ATF6: variants seen among roughly 807,000 people sequenced by gnomAD.
The protein encoded by ATF6 is activating transcription factor 6.
Under a neutral mutation model 83.6 loss-of-function variants are expected in ATF6, and 53 were observed. The ratio of observed to expected loss-of-function variants is 0.63; its 90% CI spans 0.51 to 0.80. ATF6 has a LOEUF of 0.80. Among genes scored for constraint, ATF6 ranks in the 30% least tolerant of loss-of-function variants. The pLI, the probability that ATF6 is intolerant of heterozygous loss-of-function variation, is 0.00. For missense variants in ATF6, 744 were observed against 797.9 expected (o/e 0.93, Z 0.81); for synonymous variants, 288 against 285.8 (o/e 1.01, Z -0.08).
At chr1:161,805,428 T>C (rs1023916713) in intron 7 of ATF6, among the ~76,000 whole-genome samples, 3 of 152,168 alleles carry the variant, frequency 2.0e-5, no homozygotes, top group Non-Finnish European at 4.4e-5. Flanking sequence ...ATTGAGGTTT[T>C]TGTGCTTATT....
intron 7 of ATF6, among the ~76,000 whole-genome samples, chr1:161,805,562 C>G (rs1457160425): frequency 7.8e-6 from 1 of 127,982 alleles, no homozygotes; most frequent in Admixed American, 1.2e-4. Context: ...GCAGGCCAAC[C>G]CACTCAGGAA....
At chr1:161,916,380 ATATC>A (rs1474222787) in intron 15 of ATF6, among the ~76,000 whole-genome samples, 17 of 152,230 alleles carry the variant, frequency 1.1e-4, no homozygotes, top group Non-Finnish European at 1.5e-4. Context: ...TATTTGTTTT[ATATC>A]TATCTATGTA....
At chr1:161,860,666 G>A (rs12408365) in intron 13 of ATF6, among the ~76,000 whole-genome samples, 21,497 of 151,752 alleles carry the variant, frequency 0.14, 2,092 homozygotes, top group East Asian at 0.32. Flanking sequence ...TGTTTTACAT[G>A]TATTTTATCT....
intron 12 of ATF6, 75 bp from the exon 13 acceptor site, chr1:161,860,132 G>A (rs896912111): frequency 2.1e-5 from 20 of 954,404 alleles, no homozygotes. Context: ...TTTAAGTATA[G>A]AATGAACCAG....
chr1:161,839,796 C>T (rs1325593240), intron 9 of ATF6, among the ~76,000 whole-genome samples: 1 of 152,108 alleles, frequency 6.6e-6, no homozygotes, highest in Non-Finnish European at 1.5e-5. Flanking sequence ...AGGAAACAGC[C>T]ATTGCAGGGA....
chr1:161,817,268 AG>A (rs1199033357), intron 7 of ATF6, among the ~76,000 whole-genome samples: 1 of 152,182 alleles, frequency 6.6e-6, no homozygotes, highest in Non-Finnish European at 1.5e-5. Context: ...CTTTAAAGTA[AG>A]GTTGCCTTTT....
chr1:161,950,488 G>A (rs151220079), intron 15 of ATF6, among the ~76,000 whole-genome samples: 33 of 152,318 alleles, frequency 2.2e-4, no homozygotes, highest in African/African-American at 7.2e-4. Context: ...TTATAGGGAC[G>A]TGCTTCTGAA....
chr1:161,888,551 TA>T (rs1012935889), intron 14 of ATF6, among the ~76,000 whole-genome samples: 1 of 151,292 alleles, frequency 6.6e-6, no homozygotes, highest in Non-Finnish European at 1.5e-5. Context: ...TTCCCCAGGT[TA>T]AAAAAAAAGT....
intron 14 of ATF6, chr1:161,891,523 G>A (rs1040989012): frequency 6.6e-6 from 1 of 152,200 alleles, no homozygotes; most frequent in Non-Finnish European, 1.5e-5. Flanking sequence ...GAAGATTATC[G>A]CTGCACTGTA....
intron 14 of ATF6, chr1:161,891,666 G>A (rs867029415): frequency 1.2e-4 from 19 of 152,246 alleles, no homozygotes; most frequent in African/African-American, 4.6e-4. Context: ...CACCAACCGT[G>A]ATAACCTATA....
intron 15 of ATF6, among the ~76,000 whole-genome samples, chr1:161,917,898 C>G (rs1367133634): frequency 6.6e-6 from 1 of 152,130 alleles, no homozygotes; most frequent in Non-Finnish European, 1.5e-5. Context: ...CTTTTATTCT[C>G]TTTATTTTTT....
chr1:161,882,871 G>A (rs1418193026), intron 14 of ATF6, among the ~76,000 whole-genome samples: 2 of 151,906 alleles, frequency 1.3e-5, no homozygotes, highest in African/African-American at 2.4e-5. Context: ...TACTGGCACA[G>A]TGCTTAACAC....
intron 9 of ATF6, among the ~76,000 whole-genome samples, chr1:161,840,865 A>G (rs552024830): frequency 2.6e-5 from 4 of 152,318 alleles, no homozygotes; most frequent in South Asian, 4.1e-4. Flanking sequence ...AGAGACAGCT[A>G]GAGACTTCTT....
At chr1:161,775,026 GC>G (rs1684482739) in intron 1 of ATF6, among the ~76,000 whole-genome samples, 1 of 152,100 alleles carries the variant, frequency 6.6e-6, no homozygotes, top group Non-Finnish European at 1.5e-5. Context: ...TGCAAAATAA[GC>G]CTGGAAAATC....
At chr1:161,795,241 A>G (rs1684987599) in intron 6 of ATF6, among the ~76,000 whole-genome samples, 1 of 152,242 alleles carries the variant, frequency 6.6e-6, no homozygotes, top group Non-Finnish European at 1.5e-5. Flanking sequence ...GTGATAACTA[A>G]TAAATTAATA....
At chr1:161,944,642 G>A (rs894600038) in intron 15 of ATF6, among the ~76,000 whole-genome samples, 1 of 152,232 alleles carries the variant, frequency 6.6e-6, no homozygotes, top group African/African-American at 2.4e-5. Flanking sequence ...GGATCAGCAA[G>A]CATGTCAAGG....
chr1:161,829,048 A>G (rs1685976210), intron 9 of ATF6, among the ~76,000 whole-genome samples: 1 of 152,184 alleles, frequency 6.6e-6, no homozygotes, highest in African/African-American at 2.4e-5. Flanking sequence ...GCCATTACAT[A>G]ATGGTAAGGG....
chr1:161,860,136 G>T, intron 12 of ATF6, 71 bp from the exon 13 acceptor site: 2 of 1,012,342 alleles, frequency 2.0e-6, no homozygotes, highest in South Asian at 1.9e-5. Context: ...AGTATAGAAT[G>T]AACCAGTATA....
At position 161,880,326 on chromosome 1, in the gene ATF6, GTA is replaced by G. The variant is rs201966244; in HGVS notation, c.1719+17016_1719+17017del. ...TAACACCACATTTTATGTGTGATAT[GTA>G]TGTGTGTGTGTGTGTGTGTGTGTAT... On this transcript the variant is annotated intron_variant, in intron 14 of 15. Coordinates refer to ENST00000367942, the MANE Select transcript of ATF6 (RefSeq NM_007348.4). 3.5e-3 allele frequency among the ~76,000 whole-genome samples: 508 copies of G among 146,242 alleles called. 5 individuals are homozygous for G. The highest frequency in any genetic ancestry group is 0.028 in the South Asian group (132 of 4,678).
Sources: allele counts gnomAD v4.1 joint callset (sites outside exome capture counted in the v4.1 genomes callset), GRCh38; gene constraint gnomAD v4.1.1; transcripts MANE v1.5; gene names NCBI Gene and HGNC (gene_info 2026-07-23, HGNC 2026-07-21).